STK32C: variants seen among roughly 807,000 people sequenced by gnomAD.
STK32C encodes serine/threonine kinase 32C, also known as serine/threonine-protein kinase 32C.
A neutral mutation model predicts 56.5 loss-of-function variants in STK32C; 31 were observed. That is an observed-to-expected ratio of 0.55 (90% confidence interval 0.41 to 0.74). The LOEUF (loss-of-function observed/expected upper bound fraction) is 0.74. Ranked by LOEUF, STK32C falls within the 30% of genes least tolerant of loss-of-function variation. The pLI, the probability that STK32C is intolerant of heterozygous loss-of-function variation, is 0.00. For synonymous variants in STK32C, 309 were observed against 289.4 expected, an observed-to-expected ratio of 1.07 and a Z score of -0.69; for missense variants, 544 against 676.9, an observed-to-expected ratio of 0.80 and a Z score of 2.18.
chr10:132,298,420 G>A (rs1046019022), intron 1 of STK32C, among the ~76,000 whole-genome samples: 9 of 152,278 alleles, frequency 5.9e-5, no homozygotes, highest in Non-Finnish European at 1.0e-4. Flanking sequence ...TCTGAGGACG[G>A]CTGTGGTGGT....
intron 1 of STK32C, among the ~76,000 whole-genome samples, chr10:132,268,539 TTGTG>T (rs56672946): frequency 0.12 from 13,076 of 111,330 alleles, 830 homozygotes; most frequent in East Asian, 0.36. Context: ...ATGCGTCACA[TTGTG>T]TGTGTGTGTG....
At chr10:132,287,445 G>T (rs541443207) in intron 1 of STK32C, among the ~76,000 whole-genome samples, 2 of 149,832 alleles carry the variant, frequency 1.3e-5, no homozygotes, top group African/African-American at 2.4e-5. Context: ...AGCCGAGATC[G>T]TGCCACTGTA....
At chr10:132,251,546 T>TCGCCC (rs2063906371) in intron 1 of STK32C, among the ~76,000 whole-genome samples, 2 of 150,792 alleles carry the variant, frequency 1.3e-5, no homozygotes, top group African/African-American at 4.9e-5. Flanking sequence ...TTACCCCACC[T>TCGCCC]CGCCCCACAC....
intron 1 of STK32C, among the ~76,000 whole-genome samples, chr10:132,256,617 C>T (rs2064133302): frequency 6.6e-6 from 1 of 152,290 alleles, no homozygotes; most frequent in African/African-American, 2.4e-5. Context: ...GCTCCCCAAA[C>T]CGCTGGAGAG....
intron 1 of STK32C, among the ~76,000 whole-genome samples, chr10:132,324,993 G>A (rs1038280959): frequency 2.6e-5 from 4 of 152,208 alleles, no homozygotes; most frequent in Non-Finnish European, 5.9e-5. Flanking sequence ...CAACAGGAAG[G>A]AGTGTCTGGG....
chr10:132,268,431 G>A (rs1307071851), intron 1 of STK32C, among the ~76,000 whole-genome samples: 1 of 144,284 alleles, frequency 6.9e-6, no homozygotes, highest in East Asian at 2.1e-4. Flanking sequence ...GTGTATGCAG[G>A]TGCAGCTCTA....
chr10:132,228,404 C>T (rs966496405), intron 2 of STK32C, among the ~76,000 whole-genome samples: 1 of 152,152 alleles, frequency 6.6e-6, no homozygotes. Flanking sequence ...GTGGCCCTGG[C>T]GGCACCTGTC....
intron 1 of STK32C, among the ~76,000 whole-genome samples, chr10:132,302,813 C>T (rs976138429): frequency 8.5e-5 from 13 of 152,222 alleles, no homozygotes; most frequent in Non-Finnish European, 1.5e-5. Flanking sequence ...TCGGCAGCCC[C>T]TGGGCTCAGG....
At chr10:132,281,761 G>C (rs887242338) in intron 1 of STK32C, among the ~76,000 whole-genome samples, 19 of 152,228 alleles carry the variant, frequency 1.2e-4, no homozygotes, top group African/African-American at 4.6e-4. Context: ...GCACCTGCAG[G>C]CCCCTCTGCT....
At chr10:132,297,643 T>A (rs2065793491) in intron 1 of STK32C, among the ~76,000 whole-genome samples, 1 of 152,208 alleles carries the variant, frequency 6.6e-6, no homozygotes. Context: ...ACAAGATGAC[T>A]GATGTTTACA....
upstream of STK32C, chr10:132,332,038 A>C: frequency 3.3e-6 from 1 of 303,872 alleles, no homozygotes; most frequent in Admixed American, 5.5e-5. Context: ...CCGCCCCCGC[A>C]CGCAGGCACA....
At chr10:132,260,023 C>T (rs1302726434) in intron 1 of STK32C, among the ~76,000 whole-genome samples, 2 of 152,082 alleles carry the variant, frequency 1.3e-5, no homozygotes, top group African/African-American at 4.8e-5. Flanking sequence ...TCACGGAGGC[C>T]CCATGCACAC....
chr10:132,230,667 G>T (rs981115628), intron 2 of STK32C, among the ~76,000 whole-genome samples: 1 of 141,406 alleles, frequency 7.1e-6, no homozygotes, highest in Admixed American at 6.9e-5. Context: ...TTGCTGCTGG[G>T]GGGGAAGCTG....
chr10:132,222,530 G>A, intron 10 of STK32C, 111 bp downstream of exon 10: 2 of 1,370,756 alleles, frequency 1.5e-6, no homozygotes, highest in Admixed American at 2.5e-5. Context: ...ACGGTCTGCT[G>A]GACTTCCGAG....
At chr10:132,279,266 C>T (rs1161178575) in intron 1 of STK32C, among the ~76,000 whole-genome samples, 1 of 152,154 alleles carries the variant, frequency 6.6e-6, no homozygotes, top group East Asian at 1.9e-4. Flanking sequence ...CCATAACAGG[C>T]GAGGTGACAT....
intron 1 of STK32C, among the ~76,000 whole-genome samples, chr10:132,267,042 G>A (rs2064563010): frequency 6.6e-6 from 1 of 152,188 alleles, no homozygotes; most frequent in South Asian, 2.1e-4. Flanking sequence ...CCCCGCTGCA[G>A]TGGGGAGACC....
chr10:132,222,763 G>A lies in STK32C; in HGVS notation c.1129C>T (p.Leu377=), dbSNP rs1473406489. ...AGCTCAAAGGTGGGGTCGCAGTGCA[G>A]ACGGCCTTTCTACAGAGGGATGGGT... is the stretch of plus-strand genomic sequence containing the variant. ...EPGFVPNKGR[L]HCDPTFELEE... is the part of the protein sequence containing the mutation. The change falls in exon 10 of 12, where the codon CTG becomes TTG. Residue 377 remains leucine (L), a synonymous_variant. Transcript: ENST00000298630. 1 of 1,602,804 alleles carries A rather than the reference G, an allele frequency of 6.2e-7. No homozygotes were observed. Among genetic ancestry groups the A allele is most frequent in the Admixed American group, 1.7e-5 (1 of 58,172 alleles).
At chr10:132,281,528 T>A (rs1453219800) in intron 1 of STK32C, among the ~76,000 whole-genome samples, 3 of 152,186 alleles carry the variant, frequency 2.0e-5, no homozygotes, top group Admixed American at 2.0e-4. Flanking sequence ...AAGCTTAATA[T>A]GATTGTCTTT....
At chr10:132,287,420 G>GA (rs2065439238) in intron 1 of STK32C, among the ~76,000 whole-genome samples, 1 of 52 alleles carries the variant, frequency 0.019, no homozygotes, top group Admixed American at 0.17. Flanking sequence ...GAACCCGGGA[G>GA]TGGAGGCTAC....
Sources: allele counts gnomAD v4.1 joint callset (sites outside exome capture counted in the v4.1 genomes callset), GRCh38; gene constraint gnomAD v4.1.1; transcripts MANE v1.5; gene names NCBI Gene and HGNC (gene_info 2026-07-23, HGNC 2026-07-21).